NRXN3: variants seen among roughly 807,000 people sequenced by gnomAD.
NRXN3 encodes neurexin III.
A neutral mutation model predicts 137.6 loss-of-function variants in NRXN3; 32 were observed. The ratio of observed to expected loss-of-function variants is 0.23; its 90% confidence interval spans 0.18 to 0.31. The LOEUF (loss-of-function observed/expected upper bound fraction) is 0.31. Ranked by LOEUF, NRXN3 falls within the 10% of genes least tolerant of loss-of-function variation. The pLI is 1.00. For missense variants in NRXN3, 1,574 were observed against 2,062.5 expected, an observed-to-expected ratio of 0.76 and a Z score of 4.59; for synonymous variants, 798 against 784.5, an observed-to-expected ratio of 1.02 and a Z score of -0.29.
chr14:79,438,357 A>C (rs1362165082), intron 15 of NRXN3, among the ~76,000 whole-genome samples: 1 of 152,230 alleles, frequency 6.6e-6, no homozygotes, highest in African/African-American at 2.4e-5. Flanking sequence ...GAGACAAACC[A>C]AACTTGGTTA....
intron 19 of NRXN3, among the ~76,000 whole-genome samples, chr14:79,727,997 G>T (rs1043198422): frequency 6.6e-6 from 1 of 152,096 alleles, no homozygotes; most frequent in Non-Finnish European, 1.5e-5. Flanking sequence ...AGTAAAAGTG[G>T]ACTATTAACT....
At chr14:78,882,942 G>A (rs1343260673) in intron 10 of NRXN3, among the ~76,000 whole-genome samples, 2 of 150,912 alleles carry the variant, frequency 1.3e-5, no homozygotes, top group East Asian at 1.9e-4. Flanking sequence ...AATCATGGGA[G>A]TGGTTACCCT....
intron 4 of NRXN3, among the ~76,000 whole-genome samples, chr14:78,626,187 C>T (rs1311425830): frequency 6.6e-6 from 1 of 152,204 alleles, no homozygotes; most frequent in Admixed American, 6.5e-5. Flanking sequence ...CAACACCTGA[C>T]CCTTCTCAGA....
intron 4 of NRXN3, among the ~76,000 whole-genome samples, chr14:78,451,456 G>T (rs534462622): frequency 6.6e-6 from 1 of 152,192 alleles, no homozygotes; most frequent in South Asian, 2.1e-4. Context: ...TCCATTCTGT[G>T]CCCTGCCTTG....
At chr14:78,299,728 G>A (rs2076698247) in intron 4 of NRXN3, among the ~76,000 whole-genome samples, 1 of 152,156 alleles carries the variant, frequency 6.6e-6, no homozygotes, top group African/African-American at 2.4e-5. Flanking sequence ...AACATTTGGA[G>A]AGCCTATATT....
At chr14:79,605,653 A>T (rs986564174) in intron 16 of NRXN3, among the ~76,000 whole-genome samples, 1 of 151,948 alleles carries the variant, frequency 6.6e-6, no homozygotes, top group African/African-American at 2.4e-5. Flanking sequence ...ACGCCCAGCT[A>T]ATTTTTTTGT....
At chr14:78,706,297 C>A (rs1026165003) in intron 6 of NRXN3, among the ~76,000 whole-genome samples, 5 of 152,242 alleles carry the variant, frequency 3.3e-5, no homozygotes, top group African/African-American at 1.2e-4. Flanking sequence ...AGCTGACACT[C>A]ATTAAACTTT....
Position 78,515,992 on chromosome 14 carries a change from G to A in NRXN3, c.758-129128G>A, listed in dbSNP as rs545829199. Among the ~76,000 whole-genome samples, 46 of 152,208 alleles carry A rather than the reference G, an allele frequency of 3.0e-4. No homozygotes were observed. The South Asian group carries it at 6.9e-3, about 23-fold the overall frequency. On this transcript the variant is annotated intron_variant, in intron 4 of 20. Transcript: ENST00000335750. ...ATGGAAACAACAGTGCCTAGGATTC[G>A]TTGCTGTGAGGACTAATGACAAATT... is the stretch of plus-strand genomic sequence containing the variant.
At chr14:79,228,824 G>A (rs1361833658) in intron 15 of NRXN3, among the ~76,000 whole-genome samples, 1 of 152,116 alleles carries the variant, frequency 6.6e-6, no homozygotes, top group Admixed American at 6.6e-5. Flanking sequence ...TAAATATACT[G>A]TATTTCTTTC....
At chr14:78,254,678 C>A (rs1156878067) in intron 2 of NRXN3, among the ~76,000 whole-genome samples, 368 of 121,936 alleles carry the variant, frequency 3.0e-3, no homozygotes, top group African/African-American at 3.4e-3. Context: ...ACTCCATCTC[C>A]AAAAAAAAAA....
At chr14:79,167,933 CTTGT>C (rs1289441679) in intron 15 of NRXN3, among the ~76,000 whole-genome samples, 2 of 123,154 alleles carry the variant, frequency 1.6e-5, no homozygotes, top group African/African-American at 7.0e-5. Flanking sequence ...TCTTTCTTTC[CTTGT>C]TTTTTTTTTT....
At chr14:79,240,436 GT>G (rs2074093636) in intron 15 of NRXN3, among the ~76,000 whole-genome samples, 1 of 151,972 alleles carries the variant, frequency 6.6e-6, no homozygotes, top group South Asian at 2.1e-4. Context: ...TTCCCTTATG[GT>G]CCCTAACAGC....
Position 78,596,255 on chromosome 14 carries a change from A to AT in NRXN3, c.758-48858dup, listed in dbSNP as rs570608814. ...AATTTAAGATTCCATTTGGATGCTG[A>AT]TTTTTTTCCCAAGCTCTCTTCACTA... is the stretch of plus-strand genomic sequence containing the variant. On this transcript the variant is annotated intron_variant, in intron 4 of 20. Coordinates refer to ENST00000335750, the MANE Select transcript of NRXN3 (RefSeq NM_001330195.2). Among the ~76,000 whole-genome samples the AT allele has an allele frequency of 2.1e-4, 32 of 152,128 alleles. No homozygotes were observed. The South Asian group carries it at 5.8e-3, about 28-fold the overall frequency.
intron 10 of NRXN3, among the ~76,000 whole-genome samples, chr14:78,878,759 C>G (rs1259470480): frequency 6.6e-6 from 1 of 152,100 alleles, no homozygotes; most frequent in East Asian, 1.9e-4. Flanking sequence ...TTGTTATTAA[C>G]TGTAGTCATT....
intron 15 of NRXN3, among the ~76,000 whole-genome samples, chr14:79,231,481 T>A (rs748145455): frequency 1.3e-5 from 2 of 152,148 alleles, no homozygotes; most frequent in Non-Finnish European, 2.9e-5. Flanking sequence ...AGTAGTTGAC[T>A]TTGGTGTAAA....
chr14:79,280,763 C>A (rs1463063086), intron 15 of NRXN3: 6 of 542,778 alleles, frequency 1.1e-5, no homozygotes, highest in East Asian at 6.5e-5. Context: ...CTAAAGGGTT[C>A]TTTTCCCCTT....
intron 15 of NRXN3, among the ~76,000 whole-genome samples, chr14:79,449,575 T>A (rs894882317): frequency 6.6e-6 from 1 of 152,220 alleles, no homozygotes; most frequent in African/African-American, 2.4e-5. Context: ...GAATAATGAA[T>A]CAGAACAAGA....
At chr14:78,636,578 G>A (rs2097569000) in intron 4 of NRXN3, among the ~76,000 whole-genome samples, 1 of 152,124 alleles carries the variant, frequency 6.6e-6, no homozygotes, top group Non-Finnish European at 1.5e-5. Flanking sequence ...TGTTCTCGTG[G>A]AGTCACGGGG....
intron 4 of NRXN3, among the ~76,000 whole-genome samples, chr14:78,454,178 A>G (rs969189364): frequency 3.9e-5 from 6 of 152,232 alleles, no homozygotes; most frequent in Admixed American, 2.0e-4. Flanking sequence ...TTCATAGACT[A>G]TCAGGGATAC....
Sources: allele counts gnomAD v4.1 joint callset (sites outside exome capture counted in the v4.1 genomes callset), GRCh38; gene constraint gnomAD v4.1.1; transcripts MANE v1.5; gene names NCBI Gene and HGNC (gene_info 2026-07-23, HGNC 2026-07-21).